FAM227B: variants seen among roughly 807,000 people sequenced by gnomAD.
FAM227B encodes the protein family with sequence similarity 227 member B.
In FAM227B, 88 loss-of-function variants were observed where a neutral mutation model predicts 73.8. That is an observed-to-expected ratio of 1.19 (90% CI 1.00 to 1.42). The LOEUF is 1.42. Ranked by LOEUF, FAM227B falls within the 40% of genes most tolerant of loss-of-function variation. The probability of loss-of-function intolerance (pLI) is 0.00; values close to 1 mark genes in which losing one functional copy is unlikely to be tolerated. For missense variants in FAM227B, 632 were observed against 590.9 expected, an observed-to-expected ratio of 1.07 and a Z score of -0.72; for synonymous variants, 210 against 190.5, an observed-to-expected ratio of 1.10 and a Z score of -0.84.
chr15:49,453,494 C>A (rs1322984421), intron 11 of FAM227B, among the ~76,000 whole-genome samples: 1 of 152,124 alleles, frequency 6.6e-6, no homozygotes, highest in Non-Finnish European at 1.5e-5. Flanking sequence ...TACAACACAC[C>A]TTAATTCCAA....
chr15:49,545,262 G>A (rs2071668034), intron 9 of FAM227B, among the ~76,000 whole-genome samples: 1 of 151,998 alleles, frequency 6.6e-6, no homozygotes, highest in Non-Finnish European at 1.5e-5. Flanking sequence ...TCCATCTCCT[G>A]TAGATTTTGT....
At chr15:49,381,041 G>A (rs967656612) in intron 11 of FAM227B, among the ~76,000 whole-genome samples, 3 of 152,138 alleles carry the variant, frequency 2.0e-5, no homozygotes, top group African/African-American at 7.2e-5. Context: ...TGTGTCATCT[G>A]GTGAGAAACG....
At chr15:49,553,927 T>A (rs1333854743) in intron 9 of FAM227B, among the ~76,000 whole-genome samples, 1 of 152,188 alleles carries the variant, frequency 6.6e-6, no homozygotes, top group East Asian at 1.9e-4. Context: ...CCAGCAAGTC[T>A]CAGAGTATCA....
intron 13 of FAM227B, chr15:49,365,523 G>C: frequency 1.2e-6 from 1 of 851,090 alleles, no homozygotes; most frequent in Non-Finnish European, 2.1e-6. Flanking sequence ...TTGGTACTCT[G>C]ATGACTACTG....
intron 5 of FAM227B, among the ~76,000 whole-genome samples, chr15:49,585,391 A>ACGTATGCTT (rs2076088063): frequency 6.6e-6 from 1 of 152,226 alleles, no homozygotes; most frequent in Admixed American, 6.5e-5. Context: ...ACACATGCAC[A>ACGTATGCTT]CGTATGCTTA....
intron 13 of FAM227B, among the ~76,000 whole-genome samples, chr15:49,348,019 C>CAAAAAA (rs67614443): frequency 1.4e-5 from 1 of 70,098 alleles, no homozygotes; most frequent in Admixed American, 1.8e-4. Context: ...AACTCTGTCT[C>CAAAAAA]AAAAAAAAAA....
chr15:49,489,198 T>C, intron 11 of FAM227B: 2 of 970,482 alleles, frequency 2.1e-6, no homozygotes, highest in Non-Finnish European at 2.4e-6. Context: ...GAAGCCATTT[T>C]ACAGGCTGCC....
At chr15:49,525,392 C>A (rs1156685486) in intron 10 of FAM227B, among the ~76,000 whole-genome samples, 1 of 152,028 alleles carries the variant, frequency 6.6e-6, no homozygotes, top group African/African-American at 2.4e-5. Context: ...GCCTCCACAG[C>A]CATATGGAAC....
At chr15:49,591,045 ATTTTTTTT>A (rs748799826) in intron 3 of FAM227B, among the ~76,000 whole-genome samples, 2 of 72,564 alleles carry the variant, frequency 2.8e-5, no homozygotes, top group African/African-American at 1.2e-4. Context: ...TTTTTTTTTG[ATTTTTTTT>A]TTTTTTTTTT....
intron 5 of FAM227B, 37 bp downstream of exon 5, chr15:49,587,979 C>T: frequency 1.4e-6 from 2 of 1,386,824 alleles, no homozygotes; most frequent in Non-Finnish European, 9.5e-7. Flanking sequence ...CTGTGAAAAT[C>T]CAACTTTCAA....
chr15:49,376,116 T>C lies in FAM227B; in HGVS notation c.1013-4717A>G, dbSNP rs762405093. Among the ~76,000 whole-genome samples the C allele has an allele frequency of 2.6e-5, 4 of 152,232 alleles. 1 individual carries two copies. The South Asian group carries it at 6.2e-4, about 24-fold the overall frequency. ...AAGGCCAGGAAAATTTGCAATACTT[T>C]GTGTGAAAAGAGAGATAAATGAAGT... is the stretch of plus-strand genomic sequence containing the variant. On this transcript the variant is annotated intron_variant, in intron 11 of 15. Transcript: ENST00000299338.
intron 13 of FAM227B, among the ~76,000 whole-genome samples, chr15:49,353,148 A>G (rs1385905910): frequency 2.6e-5 from 4 of 152,200 alleles, no homozygotes. Context: ...ATAGTGTGGA[A>G]AGTCAAATTC....
At chr15:49,545,452 TTTTG>T (rs1169923519) in intron 9 of FAM227B, among the ~76,000 whole-genome samples, 7 of 152,190 alleles carry the variant, frequency 4.6e-5, no homozygotes, top group African/African-American at 1.7e-4. Flanking sequence ...CAACTTTTTG[TTTTG>T]TTTGTCTTTT....
chr15:49,424,488 T>C (rs2049957319), intron 11 of FAM227B: 3 of 1,613,412 alleles, frequency 1.9e-6, no homozygotes, highest in Non-Finnish European at 2.5e-6. Flanking sequence ...GGAGGGGATA[T>C]AAGAGTGAGA....
chr15:49,469,751 T>C (rs934040889), intron 11 of FAM227B, among the ~76,000 whole-genome samples: 2 of 152,166 alleles, frequency 1.3e-5, no homozygotes, highest in Non-Finnish European at 2.9e-5. Context: ...TGGTTACAAC[T>C]AAGTTATGCC....
intron 13 of FAM227B, among the ~76,000 whole-genome samples, chr15:49,351,150 T>G (rs1224704243): frequency 1.3e-5 from 2 of 152,200 alleles, no homozygotes; most frequent in Non-Finnish European, 2.9e-5. Flanking sequence ...TGCACTTATT[T>G]GAATTCAGGT....
intron 13 of FAM227B, among the ~76,000 whole-genome samples, chr15:49,339,519 C>A (rs1343445599): frequency 6.6e-6 from 1 of 152,156 alleles, no homozygotes; most frequent in Non-Finnish European, 1.5e-5. Flanking sequence ...GGGGCACCCG[C>A]CAGATGCCAG....
rs1247692684 is a variant in FAM227B, at chr15:49,367,527, G to C, written c.1192C>G (p.Leu398Val). ...GGQSPLILYY[L>V]KMHELAGISK... is the part of the protein sequence containing the mutation. ...ATACCAGCCAGCTCATGCATCTTAA[G>C]ATAATATAAAATCAATGGACTCTGA... The change falls in exon 13 of 16, where the codon CTT becomes GTT. Residue 398 changes from leucine to valine, a missense_variant. Coordinates refer to ENST00000299338, the MANE Select transcript of FAM227B (RefSeq NM_152647.3). The C allele has an allele frequency of 6.2e-7, 1 of 1,606,548 alleles. No homozygotes were observed. The highest frequency in any genetic ancestry group is 8.5e-7 in the Non-Finnish European group (1 of 1,178,274).
intron 9 of FAM227B, among the ~76,000 whole-genome samples, chr15:49,550,257 G>T (rs1329955884): frequency 3.7e-5 from 5 of 136,504 alleles, no homozygotes; most frequent in African/African-American, 1.1e-4. Flanking sequence ...GGGCAGAGGG[G>T]CTCCTCACTT....
Sources: allele counts gnomAD v4.1 joint callset (sites outside exome capture counted in the v4.1 genomes callset), GRCh38; gene constraint gnomAD v4.1.1; transcripts MANE v1.5; gene names NCBI Gene and HGNC (gene_info 2026-07-23, HGNC 2026-07-21).